Variants in MRC2 observed in about 807,000 individuals in gnomAD.
MRC2 encodes the protein mannose receptor C-type 2.
MRC2 carries 84 observed loss-of-function variants against 206.2 expected under a neutral mutation model. The ratio of observed to expected loss-of-function variants is 0.41; its 90% CI spans 0.34 to 0.49. MRC2 has a LOEUF of 0.49. MRC2 is among the 20% of genes least tolerant of loss of function. The pLI, the probability that MRC2 is intolerant of heterozygous loss-of-function variation, is 0.31. For synonymous variants in MRC2, 798 were observed against 800.0 expected, an observed-to-expected ratio of 1.00 and a Z score of 0.04; for missense variants, 1,676 against 2,001.5, an observed-to-expected ratio of 0.84 and a Z score of 3.10.
At chr17:62,657,921 C>T (rs1425538247) in intron 1 of MRC2, among the ~76,000 whole-genome samples, 2 of 152,130 alleles carry the variant, frequency 1.3e-5, no homozygotes, top group Non-Finnish European at 2.9e-5. Context: ...CCCCTGACCC[C>T]GGCTTGGCAG....
In MRC2 at chr17:62,680,883, T is replaced by C. The variant is rs2088957005; in HGVS notation, c.2557T>C (p.Cys853Arg). The C allele has an allele frequency of 6.2e-7, 1 of 1,613,152 alleles. No individual in the cohort carries two copies. The highest frequency in any genetic ancestry group is 8.5e-7 in the Non-Finnish European group (1 of 1,179,932). The change falls in exon 17 of 30, where the codon TGC becomes CGC. Residue 853 changes from cysteine (C) to arginine (R), a missense_variant. By Grantham distance (180) the Cys-to-Arg change is radical (BLOSUM62 -3). Around this residue, in one of 3 missense-constraint regions of MRC2, gnomAD observed 1,354 missense variants for 1,636.6 expected, o/e 0.83. Transcript: ENST00000303375. The surrounding 1 kb of genome is among the most constrained non-coding windows in gnomAD (Gnocchi z 4.8). ...CACGTGGGCGCAGGCGCAGCGCATC[T>C]GCACGTGGTTCCAGGCCGAGCTGAC... ...HSTWAQAQRI[C>R]TWFQAELTSV...
chr17:62,668,823 T>C (rs564681227), intron 6 of MRC2, among the ~76,000 whole-genome samples: 7 of 152,178 alleles, frequency 4.6e-5, no homozygotes, highest in African/African-American at 1.4e-4. Context: ...GGACAGGGTC[T>C]GCTTTAGGGA....
chr17:62,658,975 C>T (rs1267150217), intron 1 of MRC2, among the ~76,000 whole-genome samples: 1 of 152,170 alleles, frequency 6.6e-6, no homozygotes, highest in Non-Finnish European at 1.5e-5. Context: ...ATACCGTTAA[C>T]AGATGGCTTG....
intron 1 of MRC2, among the ~76,000 whole-genome samples, chr17:62,631,110 C>A (rs1022853529): frequency 6.6e-6 from 1 of 152,130 alleles, no homozygotes; most frequent in Non-Finnish European, 1.5e-5. Context: ...CGTAGGGCAC[C>A]GTGACTTGGC....
intron 27 of MRC2, 72 bp downstream of exon 27, chr17:62,690,833 A>T: frequency 2.7e-6 from 4 of 1,509,364 alleles, no homozygotes; most frequent in Non-Finnish European, 3.5e-6. Flanking sequence ...CTTTGCCCTG[A>T]GCCTTGTCCT....
Position 62,675,695 on chromosome 17 carries a change from T to A in MRC2, c.1570-95T>A. 1.0e-6 allele frequency: 1 copy of A among 953,436 alleles called. No individual in the cohort carries two copies. The highest frequency in any genetic ancestry group is 1.7e-5 in the Admixed American group (1 of 57,356). The allele number at this position is 953,436 out of a possible 1,614,324, so 59.1% of individuals were successfully genotyped here. ...CCTCCGTCCTGAGCACGTTCAGTGA[T>A]GTCCCTGATGGCATCTCCCACCACA... On this transcript the variant is annotated intron_variant, in intron 9 of 29. Transcript: ENST00000303375. The surrounding 1 kb of genome is among the most constrained non-coding windows in gnomAD (Gnocchi z 4.1).
In MRC2 at chr17:62,671,457, G is replaced by T. The variant is rs1442113181; in HGVS notation, c.1118-192G>T. Among the ~76,000 whole-genome samples, 1 of 152,190 alleles carries T rather than the reference G, an allele frequency of 6.6e-6. No homozygotes were observed. The highest frequency in any genetic ancestry group is 1.5e-5 in the Non-Finnish European group (1 of 68,038). ...ACCACGACTTGGGTCTCTGTCCCGG[G>T]GCTCCAGCAGCCCTGTAAAGTTTTG... is the stretch of plus-strand genomic sequence containing the variant. On this transcript the variant is annotated intron_variant, in intron 6 of 29. Coordinates refer to ENST00000303375, the MANE Select transcript of MRC2 (RefSeq NM_006039.5). The surrounding 1 kb of genome is among the most constrained non-coding windows in gnomAD (Gnocchi z 4.5).
rs749578061 is a variant in MRC2, at chr17:62,666,642, C to G, written c.859+23C>G. On this transcript the variant is annotated intron_variant, in intron 4 of 29. Coordinates refer to ENST00000303375, the MANE Select transcript of MRC2 (RefSeq NM_006039.5). This position sits in a 1 kb window ranked among gnomAD's most constrained non-coding sequence, Gnocchi z 5.0. ...ACGGTGAGCCGGGGCCTGATGCCTG[C>G]TCGTGCCTCTGGAGGGCCCGGGCCC... 2 of 1,549,686 alleles carry G rather than the reference C, an allele frequency of 1.3e-6. No individual in the cohort carries two copies. The highest frequency in any genetic ancestry group is 1.4e-5 in the African/African-American group (1 of 73,702).
intron 20 of MRC2, among the ~76,000 whole-genome samples, chr17:62,683,034 A>C (rs1313882211): frequency 6.6e-6 from 1 of 152,230 alleles, no homozygotes; most frequent in African/African-American, 2.4e-5. Flanking sequence ...GTGTGTGTAC[A>C]TTTAACTTAT....
rs752949927 is a variant in MRC2 at position 62,680,391 on chromosome 17, A to G, written c.2438-27A>G. On this transcript the variant is annotated intron_variant, in intron 15 of 29. Transcript: ENST00000303375. This position sits in a 1 kb window ranked among gnomAD's most constrained non-coding sequence, Gnocchi z 4.8. ...ATTCCAGGGAGGGTCTCCTTTCCTC[A>G]CAACGTCTTTGTCCTTGTTCCCCTA... 6.2e-7 allele frequency: 1 copy of G among 1,614,036 alleles called. No homozygotes were observed. The highest frequency in any genetic ancestry group is 1.1e-5 in the South Asian group (1 of 91,080).
chr17:62,651,147 G>A lies in MRC2; in HGVS notation c.119-13401G>A, dbSNP rs545569446. Among the ~76,000 whole-genome samples, 11 of 151,122 alleles carry A rather than the reference G, an allele frequency of 7.3e-5. No individual in the cohort carries two copies. In the South Asian group the frequency reaches 1.7e-3, roughly 23 times the overall value. ...TCGCCAGGCTGGAGTGCAGTAGTGC[G>A]ATCTCGGCTCACTGCAACCTCCGCC... On this transcript the variant is annotated intron_variant, in intron 1 of 29. Transcript: ENST00000303375.
chr17:62,649,704 C>A (rs2088532032), intron 1 of MRC2, among the ~76,000 whole-genome samples: 1 of 152,056 alleles, frequency 6.6e-6, no homozygotes, highest in Non-Finnish European at 1.5e-5. Flanking sequence ...AGGAAACGTG[C>A]CTTGATTTCT....
chr17:62,645,524 TA>T (rs1473654766), intron 1 of MRC2, among the ~76,000 whole-genome samples: 1,104 of 35,426 alleles, frequency 0.031, 26 homozygotes, highest in Admixed American at 0.035. Flanking sequence ...TATATATATA[TA>T]TATTTTTTTT....
chr17:62,680,174 C>G lies in MRC2; in HGVS notation c.2303C>G (p.Ser768Cys). 2 of 1,614,102 alleles carry G rather than the reference C, an allele frequency of 1.2e-6. No individual in the cohort carries two copies. The highest frequency in any genetic ancestry group is 1.7e-6 in the Non-Finnish European group (2 of 1,179,990). The change falls in exon 15 of 30, where the codon TCT becomes TGT. Residue 768 changes from serine (S) to cysteine (C), a missense_variant. Ser to Cys is a moderately radical substitution (Grantham distance 112, BLOSUM62 -1). Around this residue, in one of 3 missense-constraint regions of MRC2, gnomAD observed 1,354 missense variants for 1,636.6 expected, o/e 0.83. Coordinates refer to ENST00000303375, the MANE Select transcript of MRC2 (RefSeq NM_006039.5). This position sits in a 1 kb window ranked among gnomAD's most constrained non-coding sequence, Gnocchi z 4.8. ...SWRWSDGVGF[S>C]YHNFDRSRHD... ...CCCTCCACCCGCCTCCTCCAGTTCT[C>G]TTACCACAATTTCGACCGGAGCCGG...
intron 1 of MRC2, among the ~76,000 whole-genome samples, chr17:62,641,772 A>G (rs528264870): frequency 3.3e-5 from 5 of 152,346 alleles, no homozygotes; most frequent in African/African-American, 1.2e-4. Context: ...AGGACTGCAT[A>G]TGGTACAATA....
At position 62,667,564 on chromosome 17, in the gene MRC2, A is replaced by G; in HGVS notation, c.1117+31A>G. On this transcript the variant is annotated intron_variant, in intron 6 of 29. Coordinates refer to ENST00000303375, the MANE Select transcript of MRC2 (RefSeq NM_006039.5). The surrounding 1 kb of genome is among the most constrained non-coding windows in gnomAD (Gnocchi z 4.1). ...CCAGGGACTGTGCCGCAGGGTGGGG[A>G]GGGGCTCCCAGGGCCAGGGACACAG... 6.3e-7 allele frequency: 1 copy of G among 1,576,744 alleles called. No homozygotes were observed.
chr17:62,689,600 G>C lies in MRC2; in HGVS notation c.3413G>C (p.Arg1138Pro). Reference protein sequence around the residue: ...TELSYLNGTFRLLQKPLRWHD... With the variant: ...TELSYLNGTFPLLQKPLRWHD... ...CTCTCCTACCTCAACGGCACCTTCC[G>C]GCTGCTTCAGAAGCCGCTGCGCTGG... is the stretch of plus-strand genomic sequence containing the variant. Residue 1138 changes from arginine to proline, a missense_variant, in exon 24 of 30, where the codon CGG becomes CCG. Arg to Pro is a moderately radical substitution (Grantham distance 103). Transcript: ENST00000303375. The C allele has an allele frequency of 6.2e-7, 1 of 1,603,734 alleles. No individual in the cohort carries two copies. The highest frequency in any genetic ancestry group is 1.1e-5 in the South Asian group (1 of 89,304).
intron 1 of MRC2, among the ~76,000 whole-genome samples, chr17:62,641,897 G>C (rs201060676): frequency 1.7e-3 from 249 of 148,208 alleles, no homozygotes; most frequent in East Asian, 5.1e-3. Flanking sequence ...CTCACTCTCT[G>C]TGTGTGTGTG....
At chr17:62,647,623 C>T (rs751696387) in intron 1 of MRC2, among the ~76,000 whole-genome samples, 2 of 152,180 alleles carry the variant, frequency 1.3e-5, no homozygotes, top group Non-Finnish European at 2.9e-5. Flanking sequence ...TATTGTTGGA[C>T]ATTAGTTGCT....
Sources: gnomAD v4.1 joint callset for allele counts (sites outside exome capture counted in the v4.1 genomes callset) on GRCh38, gnomAD v4.1.1 for gene constraint, gnomAD v4.1.1 regional missense constraint, Gnocchi (gnomAD v3.1) non-coding constraint, MANE v1.5 for transcripts, NCBI Gene and HGNC (gene_info 2026-07-23, HGNC 2026-07-21) for gene names.